STXBP5: variants seen among roughly 807,000 people sequenced by gnomAD.
STXBP5 encodes the protein syntaxin binding protein 5.
A neutral mutation model predicts 152.4 loss-of-function variants in STXBP5; 50 were observed. The ratio of observed to expected loss-of-function variants is 0.33; its 90% CI spans 0.26 to 0.42. The LOEUF (loss-of-function observed/expected upper bound fraction) is 0.42. Among genes scored for constraint, STXBP5 ranks in the 10% least tolerant of loss-of-function variants. The probability of loss-of-function intolerance (pLI) is 1.00; values close to 1 mark genes in which losing one functional copy is unlikely to be tolerated. For synonymous variants in STXBP5, 492 were observed against 494.7 expected (o/e 0.99, Z 0.07); for missense variants, 1,167 against 1,388.6 (o/e 0.84, Z 2.54).
intron 2 of STXBP5, among the ~76,000 whole-genome samples, chr6:147,208,908 A>G (rs991821534): frequency 1.3e-5 from 2 of 152,162 alleles, no homozygotes; most frequent in African/African-American, 4.8e-5. Flanking sequence ...AAAATAAATT[A>G]AATGTATTTA....
At position 147,272,850 on chromosome 6, in the gene STXBP5, G is replaced by A. The variant is rs200707780; in HGVS notation, c.715-5231G>A. ...CAGAAATGTATCTTTGCACCCTTGAGCTTTTGTTGCTTTGTAACCATAGTT... is the reference window on the plus strand; with the variant it reads ...CAGAAATGTATCTTTGCACCCTTGAACTTTTGTTGCTTTGTAACCATAGTT... On this transcript the variant is annotated intron_variant, in intron 7 of 27. Coordinates refer to ENST00000321680, the MANE Select transcript of STXBP5 (RefSeq NM_001127715.4). Among the ~76,000 whole-genome samples, 26 of 152,152 alleles carry A rather than the reference G, an allele frequency of 1.7e-4. No individual in the cohort carries two copies. The East Asian group carries it at 4.1e-3, about 24-fold the overall frequency.
intron 19 of STXBP5, among the ~76,000 whole-genome samples, chr6:147,337,794 C>T (rs867575027): frequency 2.6e-5 from 4 of 151,924 alleles, no homozygotes; most frequent in South Asian, 2.1e-4. Context: ...CTCAGTGTTA[C>T]GTGTGTGATA....
At chr6:147,271,979 T>C (rs1376967182) in intron 7 of STXBP5, among the ~76,000 whole-genome samples, 3 of 152,288 alleles carry the variant, frequency 2.0e-5, no homozygotes, top group East Asian at 3.9e-4. Context: ...TAAGGAAATA[T>C]GTACTTAATG....
intron 9 of STXBP5, among the ~76,000 whole-genome samples, chr6:147,309,188 G>A (rs1782245162): frequency 2.0e-5 from 3 of 151,996 alleles, no homozygotes; most frequent in Admixed American, 1.3e-4. Context: ...AAAGAAGGAA[G>A]TAACATCATG....
In STXBP5 at chr6:147,386,646, A is replaced by G. The variant is rs1436929985; in HGVS notation, c.*1891A>G. ...GTTAATGTCAGCTGCCTGAACATTC[A>G]GCAGTTTATAAATTGCTTAATTTGT... On this transcript the variant is annotated 3_prime_UTR_variant, in exon 28 of 28. Coordinates refer to ENST00000321680, the MANE Select transcript of STXBP5 (RefSeq NM_001127715.4). 1 of 151,866 alleles carries G rather than the reference A, an allele frequency of 6.6e-6. No homozygotes were observed. The highest frequency in any genetic ancestry group is 2.4e-5 in the African/African-American group (1 of 41,430). 9.4% of individuals were successfully genotyped at this position (151,866 alleles called of 1,614,324 possible).
chr6:147,314,246 AGTC>A lies in STXBP5; in HGVS notation c.1294-17_1294-15del, dbSNP rs1782526873. The A allele has an allele frequency of 6.3e-7, 1 of 1,599,564 alleles. No individual in the cohort carries two copies. Among genetic ancestry groups the A allele is most frequent in the Non-Finnish European group, 8.6e-7 (1 of 1,166,790 alleles). The stretch of plus-strand genomic sequence containing the variant: ...AGTATGCTTGCAAGTTGCTTTATAC[AGTC>A]ATCTTTTTTTATAGGAATGGCCCAT... On this transcript the variant is annotated splice_polypyrimidine_tract_variant and intron_variant, in intron 12 of 27. Transcript: ENST00000321680.
At chr6:147,287,710 A>G (rs1781053181) in intron 8 of STXBP5, among the ~76,000 whole-genome samples, 1 of 152,182 alleles carries the variant, frequency 6.6e-6, no homozygotes, top group African/African-American at 2.4e-5. Flanking sequence ...TTTCTTAAAC[A>G]TTGCAAATTA....
chr6:147,225,368 CCT>C (rs1288754685), intron 2 of STXBP5, among the ~76,000 whole-genome samples: 1 of 152,100 alleles, frequency 6.6e-6, no homozygotes, highest in African/African-American at 2.4e-5. Context: ...TTTCCAGAAA[CCT>C]CACCGGATAT....
intron 2 of STXBP5, among the ~76,000 whole-genome samples, chr6:147,207,101 T>A (rs1285971853): frequency 6.6e-6 from 1 of 152,152 alleles, no homozygotes; most frequent in Non-Finnish European, 1.5e-5. Flanking sequence ...TATTTTAGAT[T>A]TTTCTGGTTC....
chr6:147,367,598 A>T (rs1283874332), intron 25 of STXBP5, among the ~76,000 whole-genome samples: 2 of 152,180 alleles, frequency 1.3e-5, no homozygotes, highest in Non-Finnish European at 2.9e-5. Flanking sequence ...AGATCACGCC[A>T]CTACACTCCA....
intron 23 of STXBP5, among the ~76,000 whole-genome samples, chr6:147,362,120 A>T (rs1785092559): frequency 6.6e-6 from 1 of 152,166 alleles, no homozygotes; most frequent in Non-Finnish European, 1.5e-5. Flanking sequence ...AAAAGTATTC[A>T]TTGTTTATCT....
intron 4 of STXBP5, among the ~76,000 whole-genome samples, chr6:147,259,178 T>C (rs1347234144): frequency 4.6e-5 from 7 of 152,172 alleles, no homozygotes; most frequent in Non-Finnish European, 2.9e-5. Context: ...ACTAGTTAAA[T>C]GAATGTTTAA....
chr6:147,298,907 G>T (rs1016504666), intron 9 of STXBP5, among the ~76,000 whole-genome samples: 13 of 151,842 alleles, frequency 8.6e-5, no homozygotes, highest in African/African-American at 3.1e-4. Flanking sequence ...ACCTAACATT[G>T]CACCTCAAGG....
At chr6:147,349,816 A>G (rs1475157312) in intron 21 of STXBP5, among the ~76,000 whole-genome samples, 4 of 152,208 alleles carry the variant, frequency 2.6e-5, no homozygotes, top group Non-Finnish European at 4.4e-5. Context: ...CACATGTAAC[A>G]GGTTTTTCTG....
chr6:147,323,187 A>C (rs1783026081), intron 16 of STXBP5, among the ~76,000 whole-genome samples: 1 of 152,036 alleles, frequency 6.6e-6, no homozygotes, highest in Admixed American at 6.6e-5. Context: ...TAAAAGTATT[A>C]ATAGCTGCAA....
intron 26 of STXBP5, 89 bp downstream of exon 26, chr6:147,373,931 C>CT (rs537801141): frequency 4.2e-6 from 3 of 716,498 alleles, no homozygotes; most frequent in Admixed American, 2.8e-5. Flanking sequence ...ATTATGTTCA[C>CT]TTTTTTTCTC....
intron 8 of STXBP5, among the ~76,000 whole-genome samples, chr6:147,280,060 C>T (rs1466748579): frequency 8.1e-6 from 1 of 123,968 alleles, no homozygotes. Context: ...TGCAAATATT[C>T]CATGGTCTTT....
intron 4 of STXBP5, among the ~76,000 whole-genome samples, chr6:147,258,377 TTGTC>T (rs1269373446): frequency 3.3e-5 from 5 of 152,220 alleles, no homozygotes; most frequent in Admixed American, 1.3e-4. Flanking sequence ...ACCTTCTGTC[TTGTC>T]TGTCTCTCTC....
In STXBP5 at chr6:147,311,512, A is replaced by G; in HGVS notation, c.1130A>G (p.Asp377Gly). 1 of 1,611,082 alleles carries G rather than the reference A, an allele frequency of 6.2e-7. No homozygotes were observed. The highest frequency in any genetic ancestry group is 8.5e-7 in the Non-Finnish European group (1 of 1,178,754). Residue 377 changes from aspartate (D) to glycine (G), a missense_variant, in exon 11 of 28, where the codon GAC becomes GGC. By Grantham distance (94) the Asp-to-Gly change is moderately conservative (BLOSUM62 -1). Around this residue, in one of 3 missense-constraint regions of STXBP5, gnomAD observed 833 missense variants for 986.3 expected, o/e 0.84. Coordinates refer to ENST00000321680, the MANE Select transcript of STXBP5 (RefSeq NM_001127715.4). ...VLLEKDLVLI[D>G]LAQNGYPIFE... ...CTAGAAAAGGATTTAGTACTTATAG[A>G]CCTTGCACAAAATGGGTAAGAAATA... is the stretch of plus-strand genomic sequence containing the variant.
Sources: allele counts gnomAD v4.1 joint callset (sites outside exome capture counted in the v4.1 genomes callset), GRCh38; gene constraint gnomAD v4.1.1; regional missense constraint gnomAD v4.1.1; transcripts MANE v1.5; gene names NCBI Gene and HGNC (gene_info 2026-07-23, HGNC 2026-07-21).